Variants in STAP2 observed in about 807,000 individuals in gnomAD.
STAP2 encodes the protein signal-transducing adaptor protein 2.
Under a neutral mutation model 52.7 loss-of-function variants are expected in STAP2, and 58 were observed. The observed-to-expected ratio is 1.10, with a 90% CI of 0.89 to 1.37. STAP2 has a LOEUF of 1.37. STAP2 is among the 40% of genes most tolerant of loss of function. STAP2 has a pLI of 0.00. For missense variants in STAP2, 522 were observed against 519.4 expected, an observed-to-expected ratio of 1.00 and a Z score of -0.05; for synonymous variants, 231 against 210.5, an observed-to-expected ratio of 1.10 and a Z score of -0.84.
chr19:4,325,076 T>G (rs943570953), intron 11 of STAP2, 140 bp downstream of exon 11: 190 of 710,248 alleles, frequency 2.7e-4, no homozygotes, highest in Non-Finnish European at 4.0e-4. Context: ...GAGGCGGAGC[T>G]TGCAGTGAGC....
intron 4 of STAP2, among the ~76,000 whole-genome samples, 163 bp from the exon 5 acceptor site, chr19:4,330,224 G>A (rs540433986): frequency 6.6e-6 from 1 of 152,164 alleles, no homozygotes; most frequent in East Asian, 1.9e-4. Flanking sequence ...AGTGTTGCAT[G>A]AGAGTAGATG....
At position 4,338,351 on chromosome 19, in the gene STAP2, C is replaced by T. The variant is rs372789087; in HGVS notation, c.102+301G>A. ...TCTTGTTTGTATTCAAGAGAGTGAA[C>T]GAGAGACAAAAGCAAAGATTGAGAC... On this transcript the variant is annotated intron_variant, in intron 1 of 12. Coordinates refer to ENST00000594605, the MANE Select transcript of STAP2 (RefSeq NM_001013841.2). 21 of 207,370 alleles carry T rather than the reference C, an allele frequency of 1.0e-4. No individual in the cohort carries two copies. In the East Asian group the frequency reaches 1.2e-3, roughly 12 times the overall value. The allele number at this position is 207,370 out of a possible 1,614,324, so 12.8% of individuals were successfully genotyped here.
intron 4 of STAP2, among the ~76,000 whole-genome samples, chr19:4,331,655 G>A (rs913328744): frequency 1.3e-5 from 2 of 150,874 alleles, no homozygotes; most frequent in African/African-American, 2.4e-5. Flanking sequence ...AATTTTGGCC[G>A]GGCCCGGTGG....
intron 9 of STAP2, among the ~76,000 whole-genome samples, chr19:4,326,213 GAC>G (rs1350256170): frequency 6.6e-6 from 1 of 152,244 alleles, no homozygotes; most frequent in Non-Finnish European, 1.5e-5. Flanking sequence ...ATTGTGGCAT[GAC>G]ACAGGTGTAT....
Position 4,327,315 on chromosome 19 carries a change from C to T in STAP2, c.660+1G>A, listed in dbSNP as rs752792664. On this transcript the variant is annotated splice_donor_variant, in intron 7 of 12. Coordinates refer to ENST00000594605, the MANE Select transcript of STAP2 (RefSeq NM_001013841.2). LOFTEE classifies it high-confidence loss of function. ...TCTAGGGACTCTGGCCCAACGCTCA[C>T]CGGCTGTTCCACATCGATCACGTAC... 12 of 1,614,164 alleles carry T rather than the reference C, an allele frequency of 7.4e-6. No individual in the cohort carries two copies. The Admixed American group carries it at 2.0e-4, about 27-fold the overall frequency.
intron 3 of STAP2, among the ~76,000 whole-genome samples, chr19:4,332,784 C>A (rs1971914969): frequency 6.6e-6 from 1 of 152,044 alleles, no homozygotes; most frequent in Non-Finnish European, 1.5e-5. Flanking sequence ...GCTATGATCT[C>A]ACTACTGCAC....
Position 4,328,733 on chromosome 19 carries a change from G to A in STAP2, c.532C>T (p.Arg178Trp). The change falls in exon 6 of 13, where the codon CGG (arginine) becomes TGG (tryptophan). Residue 178 changes from arginine (R) to tryptophan (W), a missense_variant. Transcript: ENST00000594605. ...RYPECGNLLL[R>W]PSGDGADGVS... ...CCGTCGGCGCCGTCCCCGCTGGGCC[G>A]CAGCAGCAGGTTCCCGCACTCGGGG... 6.2e-7 allele frequency: 1 copy of A among 1,607,998 alleles called. No individual in the cohort carries two copies. The highest frequency in any genetic ancestry group is 1.7e-5 in the Admixed American group (1 of 59,612).
In STAP2 at chr19:4,327,109, C is replaced by T. The variant is rs753493904; in HGVS notation, c.763+15G>A. 6.8e-6 allele frequency: 11 copies of T among 1,613,952 alleles called. No individual in the cohort carries two copies. Among genetic ancestry groups the T allele is most frequent in the South Asian group, 4.4e-5 (4 of 91,042 alleles). On this transcript the variant is annotated intron_variant, in intron 8 of 12. Coordinates refer to ENST00000594605, the MANE Select transcript of STAP2 (RefSeq NM_001013841.2). ...GTGAGCACTGGGCCCCCGAACTCCC[C>T]GAAGGGGCACCCACCTAGCACCTTC... is the stretch of plus-strand genomic sequence containing the variant.
In STAP2 at chr19:4,324,484, C is replaced by A; in HGVS notation, c.1118G>T (p.Ser373Ile). 9.5e-6 allele frequency: 15 copies of A among 1,576,416 alleles called. No individual in the cohort carries two copies. The highest frequency in any genetic ancestry group is 1.3e-5 in the Non-Finnish European group (15 of 1,159,128). The stretch of plus-strand genomic sequence containing the variant: ...TGTGGGGAAGAGAGGCTGGGCTGAA[C>A]TGACTGGCAGCTTCCTGCCCAAGCC... ...NGGLGRKLPVSSAQPLFPTAG... is the reference protein window; with the variant it reads ...NGGLGRKLPVISAQPLFPTAG... The change falls in exon 12 of 13, where the codon AGT becomes ATT. Residue 373 changes from serine to isoleucine, a missense_variant. Ser to Ile is a moderately radical substitution (Grantham distance 142, BLOSUM62 -2). Coordinates refer to ENST00000594605, the MANE Select transcript of STAP2 (RefSeq NM_001013841.2).
At chr19:4,328,500 C>T (rs1306586392) in intron 6 of STAP2, among the ~76,000 whole-genome samples, 175 bp downstream of exon 6, 1 of 149,568 alleles carries the variant, frequency 6.7e-6, no homozygotes, top group East Asian at 2.0e-4. Flanking sequence ...GACTCCTCCC[C>T]CAATCCGCCC....
At chr19:4,331,433 C>T (rs1264491187) in intron 4 of STAP2, among the ~76,000 whole-genome samples, 1 of 152,000 alleles carries the variant, frequency 6.6e-6, no homozygotes, top group Admixed American at 6.6e-5. Context: ...AGTTCAAGAC[C>T]AGCCTGGCCA....
intron 1 of STAP2, among the ~76,000 whole-genome samples, chr19:4,336,878 G>A (rs548129666): frequency 7.8e-4 from 116 of 149,008 alleles, no homozygotes; most frequent in African/African-American, 2.7e-3. Context: ...CAGGTGATCC[G>A]CCTGCCTCGG....
chr19:4,333,449 TCG>T, intron 3 of STAP2, among the ~76,000 whole-genome samples: 1 of 152,220 alleles, frequency 6.6e-6, no homozygotes, highest in East Asian at 1.9e-4. Context: ...TGAGCCAAGA[TCG>T]TGCCATTGCA....
intron 9 of STAP2, among the ~76,000 whole-genome samples, chr19:4,325,999 C>T (rs1971787306): frequency 6.6e-6 from 1 of 151,848 alleles, no homozygotes; most frequent in South Asian, 2.1e-4. Flanking sequence ...GTGTGGCATA[C>T]ACGTGTACAC....
intron 11 of STAP2, chr19:4,324,818 C>T (rs1409209758): frequency 7.2e-6 from 3 of 417,844 alleles, no homozygotes; most frequent in Non-Finnish European, 4.3e-6. Context: ...AGTGAGACTC[C>T]ATCTCAAAAC....
intron 5 of STAP2, 114 bp from the exon 6 acceptor site, chr19:4,328,923 AC>A (rs1272355443): frequency 7.0e-7 from 1 of 1,421,080 alleles, no homozygotes; most frequent in Non-Finnish European, 9.4e-7. Flanking sequence ...GGCCCAGGAG[AC>A]CCTGCCCTGC....
At chr19:4,330,184 G>A (rs746329289) in intron 4 of STAP2, 123 bp from the exon 5 acceptor site, 299 of 717,622 alleles carry the variant, frequency 4.2e-4, no homozygotes, top group Non-Finnish European at 6.8e-4. Flanking sequence ...ACCTTAGAGG[G>A]CAAAGAGGGC....
In STAP2 at chr19:4,332,196, C is replaced by CTT. The variant is rs58828365; in HGVS notation, c.298-120_298-119dup. ...GGCCGTTTTCTTTTTTCTTTTTCTTCTTTTTTTTTTTTTTTTTTTTTTTTT... is the reference window on the plus strand; with the variant it reads ...GGCCGTTTTCTTTTTTCTTTTTCTTCTTTTTTTTTTTTTTTTTTTTTTTTTTT... On this transcript the variant is annotated intron_variant, in intron 3 of 12. Transcript: ENST00000594605. 1.7e-3 allele frequency: 402 copies of CTT among 240,536 alleles called. 3 individuals are homozygous for CTT. The highest frequency in any genetic ancestry group is 6.2e-3 in the South Asian group (145 of 23,464). The allele number at this position is 240,536 out of a possible 1,614,324, so 14.9% of individuals were successfully genotyped here.
intron 1 of STAP2, among the ~76,000 whole-genome samples, chr19:4,335,867 C>T (rs1371564443): frequency 6.6e-6 from 1 of 152,144 alleles, no homozygotes; most frequent in Non-Finnish European, 1.5e-5. Context: ...TGAACTGTGA[C>T]TACAGCCCTA....
Sources: gnomAD v4.1 joint callset for allele counts (sites outside exome capture counted in the v4.1 genomes callset) on GRCh38, gnomAD v4.1.1 for gene constraint, MANE v1.5 for transcripts, NCBI Gene and HGNC (gene_info 2026-07-23, HGNC 2026-07-21) for gene names.